Variants in ALK observed in about 807,000 individuals in gnomAD.
The protein encoded by ALK is ALK tyrosine kinase receptor.
ALK carries 74 observed loss-of-function variants against 163.1 expected under a neutral mutation model. The observed-to-expected ratio is 0.45, with a 90% confidence interval of 0.38 to 0.55. The LOEUF is 0.55. Among genes scored for constraint, ALK ranks in the 20% least tolerant of loss-of-function variants. ALK has a pLI of 0.00. For synonymous variants in ALK, 960 were observed against 843.2 expected (o/e 1.14, Z -2.40); for missense variants, 2,063 against 2,105.3 (o/e 0.98, Z 0.39).
chr2:29,200,436 TTTGCAAACAATA>T (rs1669128098), intron 26 of ALK, among the ~76,000 whole-genome samples: 1 of 152,118 alleles, frequency 6.6e-6, no homozygotes, highest in Non-Finnish European at 1.5e-5. Context: ...GATTTTCATA[TTTGCAAACAATA>T]CCAGATACCT....
At chr2:29,734,335 A>G (rs1182498382) in intron 1 of ALK, among the ~76,000 whole-genome samples, 3 of 152,208 alleles carry the variant, frequency 2.0e-5, no homozygotes, top group Non-Finnish European at 4.4e-5. Flanking sequence ...GAGACTGTCT[A>G]ACGTTTTCAG....
intron 3 of ALK, among the ~76,000 whole-genome samples, chr2:29,626,376 G>A (rs1676194333): frequency 6.6e-6 from 1 of 152,088 alleles, no homozygotes; most frequent in Non-Finnish European, 1.5e-5. Context: ...AGATCTGATG[G>A]TTTTATAAAC....
At chr2:29,264,807 C>A (rs762013153) in intron 11 of ALK, among the ~76,000 whole-genome samples, 1 of 152,156 alleles carries the variant, frequency 6.6e-6, no homozygotes, top group Non-Finnish European at 1.5e-5. Context: ...TTAAGATGGA[C>A]AAACCAGAGT....
chr2:29,458,758 G>A (rs530782514), intron 4 of ALK, among the ~76,000 whole-genome samples: 93 of 152,260 alleles, frequency 6.1e-4, no homozygotes, highest in African/African-American at 2.2e-3. Context: ...GGAGAAAATT[G>A]TCAGTAAGAA....
At chr2:29,213,871 GAGGGAGACCTAGTATTCTGCTCTGA>G in intron 24 of ALK, 88 bp downstream of exon 24, 2 of 901,066 alleles carry the variant, frequency 2.2e-6, no homozygotes, top group Non-Finnish European at 3.7e-6. Context: ...AATGGCTCTG[GAGGGAGACCTAGTATTCTGCTCTGA>G]AGGGGGAAAT....
At chr2:29,644,827 A>G (rs1412969650) in intron 3 of ALK, among the ~76,000 whole-genome samples, 1 of 152,228 alleles carries the variant, frequency 6.6e-6, no homozygotes, top group Non-Finnish European at 1.5e-5. Context: ...TTCCTTAAAT[A>G]GAAATTTCAA....
intron 4 of ALK, among the ~76,000 whole-genome samples, chr2:29,481,155 C>T (rs918228261): frequency 6.6e-6 from 1 of 152,210 alleles, no homozygotes; most frequent in Non-Finnish European, 1.5e-5. Flanking sequence ...GTCATTCACC[C>T]AAGCCATGCA....
chr2:29,720,488 G>GCAAGTGAT (rs1679389345), intron 1 of ALK, among the ~76,000 whole-genome samples: 1 of 152,198 alleles, frequency 6.6e-6, no homozygotes, highest in Non-Finnish European at 1.5e-5. Context: ...AGTAGGGAGT[G>GCAAGTGAT]CAAGTGATAA....
In ALK at chr2:29,595,735, A is replaced by C. The variant is rs192253478; in HGVS notation, c.953-63619T>G. 1.3e-4 allele frequency among the ~76,000 whole-genome samples: 20 copies of C among 152,346 alleles called. No individual in the cohort carries two copies. The East Asian group carries it at 2.3e-3, about 18-fold the overall frequency. The stretch of plus-strand genomic sequence containing the variant: ...GAGGAAGACGGAGAGAGAAAACAAA[A>C]CATTTTCAATGAAAGGAAGAATTTT... On this transcript the variant is annotated intron_variant, in intron 3 of 28. Coordinates refer to ENST00000389048, the MANE Select transcript of ALK (RefSeq NM_004304.5).
intron 1 of ALK, among the ~76,000 whole-genome samples, chr2:29,718,628 T>C (rs1679333029): frequency 6.6e-6 from 1 of 152,214 alleles, no homozygotes; most frequent in African/African-American, 2.4e-5. Context: ...TGCTGGACTC[T>C]TTACCTACAT....
intron 3 of ALK, among the ~76,000 whole-genome samples, chr2:29,547,276 T>G (rs919088948): frequency 6.6e-6 from 1 of 152,190 alleles, no homozygotes; most frequent in African/African-American, 2.4e-5. Context: ...CAATTCCTTC[T>G]CACTGAATAC....
At chr2:29,824,515 T>A (rs904620036) in intron 1 of ALK, among the ~76,000 whole-genome samples, 1 of 152,230 alleles carries the variant, frequency 6.6e-6, no homozygotes, top group East Asian at 1.9e-4. Context: ...GAGGCAGAGC[T>A]GTCCGAGGCT....
chr2:29,397,762 C>A (rs1274837042), intron 4 of ALK, among the ~76,000 whole-genome samples: 2 of 152,150 alleles, frequency 1.3e-5, no homozygotes, highest in Non-Finnish European at 2.9e-5. Flanking sequence ...ATCACCATAC[C>A]CTTCAGGGAG....
chr2:29,542,457 A>G (rs1303506422), intron 3 of ALK, among the ~76,000 whole-genome samples: 1 of 152,138 alleles, frequency 6.6e-6, no homozygotes, highest in Non-Finnish European at 1.5e-5. Flanking sequence ...TCCTCAGGAA[A>G]CTTCTTCAGG....
rs568588021 is a variant in ALK, at chr2:29,509,480, T to C, written c.1154+22435A>G. 7.1e-4 allele frequency among the ~76,000 whole-genome samples: 108 copies of C among 152,304 alleles called. 1 individual carries two copies. Among genetic ancestry groups the C allele is most frequent in the South Asian group, 3.5e-3 (17 of 4,824 alleles). The stretch of plus-strand genomic sequence containing the variant: ...CTTCTCTCATGCTTTTCAGTGAATA[T>C]TAAGTCTGAAATCTGGAAGAAAAGA... On this transcript the variant is annotated intron_variant, in intron 4 of 28. Coordinates refer to ENST00000389048, the MANE Select transcript of ALK (RefSeq NM_004304.5).
chr2:29,193,167 C>T lies in ALK; in HGVS notation c.*57G>A, dbSNP rs989939823. ...CTGGTTTGTGAAGGAGCCATTGCCTCTCTCTCCTCCACGGTCTTAGGGATC... is the reference window on the plus strand; with the variant it reads ...CTGGTTTGTGAAGGAGCCATTGCCTTTCTCTCCTCCACGGTCTTAGGGATC... On this transcript the variant is annotated 3_prime_UTR_variant, in exon 29 of 29. Transcript: ENST00000389048. 6.6e-7 allele frequency: 1 copy of T among 1,506,512 alleles called. No individual in the cohort carries two copies. The highest frequency in any genetic ancestry group is 9.1e-7 in the Non-Finnish European group (1 of 1,094,960). The allele number at this position is 1,506,512 out of a possible 1,614,324, so 93.3% of individuals were successfully genotyped here.
chr2:29,755,299 G>A (rs910581592), intron 1 of ALK, among the ~76,000 whole-genome samples: 1 of 152,224 alleles, frequency 6.6e-6, no homozygotes, highest in Non-Finnish European at 1.5e-5. Context: ...GAGGGCCTGT[G>A]CTGCATCACA....
intron 3 of ALK, among the ~76,000 whole-genome samples, chr2:29,694,580 C>G (rs758458332): frequency 2.0e-5 from 3 of 152,198 alleles, no homozygotes; most frequent in Non-Finnish European, 2.9e-5. Context: ...TCAGCACTTT[C>G]TCCTGCAGGG....
chr2:29,841,231 T>A, intron 1 of ALK, among the ~76,000 whole-genome samples: 1 of 152,194 alleles, frequency 6.6e-6, no homozygotes, highest in East Asian at 1.9e-4. Context: ...CTAGAGATAT[T>A]AAGCAATTTT....
Sources: gnomAD v4.1 joint callset for allele counts (sites outside exome capture counted in the v4.1 genomes callset) on GRCh38, gnomAD v4.1.1 for gene constraint, MANE v1.5 for transcripts, NCBI Gene and HGNC (gene_info 2026-07-23, HGNC 2026-07-21) for gene names.